Variants in SULT4A1 observed in about 807,000 individuals in gnomAD.
The protein encoded by SULT4A1 is sulfotransferase family 4A member 1.
SULT4A1 carries 11 observed loss-of-function variants against 35.2 expected under a neutral mutation model. The observed-to-expected ratio is 0.31, with a 90% CI of 0.20 to 0.52. The LOEUF is 0.52. Ranked by LOEUF, SULT4A1 falls within the 20% of genes least tolerant of loss-of-function variation. The pLI is 0.97. For synonymous variants in SULT4A1, 152 were observed against 151.8 expected (o/e 1.00, Z -0.01); for missense variants, 271 against 383.7 (o/e 0.71, Z 2.45).
intron 1 of SULT4A1, among the ~76,000 whole-genome samples, chr22:43,858,913 C>A (rs2049434255): frequency 6.6e-6 from 1 of 152,166 alleles, no homozygotes. Context: ...GTAATCCACC[C>A]AACCTGTCTC....
chr22:43,838,167 G>A (rs74458567), intron 4 of SULT4A1, among the ~76,000 whole-genome samples: 5,789 of 152,342 alleles, frequency 0.038, 221 homozygotes, highest in African/African-American at 0.094. Flanking sequence ...GTGGCCCAGC[G>A]GGGCAAGAGA....
intron 1 of SULT4A1, among the ~76,000 whole-genome samples, chr22:43,846,022 C>G (rs2063473932): frequency 6.6e-6 from 1 of 152,212 alleles, no homozygotes; most frequent in South Asian, 2.1e-4. Context: ...GTGGCTTTAA[C>G]ATGGAAGTCA....
chr22:43,836,159 A>G (rs73888226), intron 4 of SULT4A1, among the ~76,000 whole-genome samples: 4,734 of 98,498 alleles, frequency 0.048, 294 homozygotes, highest in African/African-American at 0.092. Flanking sequence ...CTCACACTGC[A>G]GGTGCCACAG....
In SULT4A1 at chr22:43,856,620, C is replaced by T. The variant is rs553828680; in HGVS notation, c.169+5594G>A. On this transcript the variant is annotated intron_variant, in intron 1 of 6. Coordinates refer to ENST00000330884, the MANE Select transcript of SULT4A1 (RefSeq NM_014351.4). The stretch of plus-strand genomic sequence containing the variant: ...GCAAGAGTGTGCAGACAAAACTCCT[C>T]CAAGGTTCAGACCTACGAGGAAGAC... Among the ~76,000 whole-genome samples, 3 of 152,286 alleles carry T rather than the reference C, an allele frequency of 2.0e-5. No homozygotes were observed. In the South Asian group the frequency reaches 6.2e-4, roughly 32 times the overall value.
chr22:43,841,889 G>A lies in SULT4A1; in HGVS notation c.213C>T (p.Gly71=), dbSNP rs779387006. 22 of 1,613,818 alleles carry A rather than the reference G, an allele frequency of 1.4e-5. No individual in the cohort carries two copies. The highest frequency in any genetic ancestry group is 2.7e-5 in the African/African-American group (2 of 74,940). Reference sequence around the variant, plus strand: ...TCAAGCCGATCTCATCGGGGTCAGCGCCCTGGCTCACCAAGTAGACCACCT... The same window carrying A: ...TCAAGCCGATCTCATCGGGGTCAGCACCCTGGCTCACCAAGTAGACCACCT... ...LQEVVYLVSQ[G]ADPDEIGLMN... is the part of the protein sequence containing the mutation. Residue 71 remains glycine, a synonymous_variant, in exon 2 of 7, where the codon GGC becomes GGT. Coordinates refer to ENST00000330884, the MANE Select transcript of SULT4A1 (RefSeq NM_014351.4).
chr22:43,832,726 C>T (rs1471204701), intron 5 of SULT4A1, among the ~76,000 whole-genome samples: 1 of 152,174 alleles, frequency 6.6e-6, no homozygotes, highest in Non-Finnish European at 1.5e-5. Context: ...TAGGGGACCT[C>T]GTGTGGCTCT....
In SULT4A1 at chr22:43,829,076, G is replaced by A; in HGVS notation, c.726C>T (p.Ala242=). The A allele has an allele frequency of 6.5e-6, 10 of 1,540,760 alleles. No homozygotes were observed. The highest frequency in any genetic ancestry group is 7.0e-6 in the Non-Finnish European group (8 of 1,140,420). Residue 242 remains alanine (A), a synonymous_variant, in exon 6 of 7, where the codon GCC becomes GCT. Coordinates refer to ENST00000330884, the MANE Select transcript of SULT4A1 (RefSeq NM_014351.4). ...GGCACGTACCCCGGCCCACGGGCAG[G>A]GCCTCAGCGTTGCAGCACTGGTCCA... The part of the protein sequence containing the change: ...QLVDQCCNAE[A]LPVGRGRVGL...
intron 6 of SULT4A1, among the ~76,000 whole-genome samples, chr22:43,828,072 G>C (rs2063300442): frequency 1.3e-5 from 2 of 152,214 alleles, no homozygotes; most frequent in Non-Finnish European, 2.9e-5. Context: ...CCTGACCTAT[G>C]TTGCGTTCCC....
chr22:43,841,094 G>A (rs1230824068), intron 2 of SULT4A1, among the ~76,000 whole-genome samples: 4 of 152,232 alleles, frequency 2.6e-5, no homozygotes, highest in East Asian at 3.9e-4. Context: ...CCCTCGGCAC[G>A]GCAGTACGGA....
chr22:43,827,774 C>CACACACAA (rs2063298725), intron 6 of SULT4A1: 2 of 469,284 alleles, frequency 4.3e-6, no homozygotes, highest in Non-Finnish European at 7.7e-6. Context: ...CACACACACA[C>CACACACAA]ACACACACGT....
In SULT4A1 at chr22:43,862,226, A is replaced by G; in HGVS notation, c.157T>C (p.Tyr53His). Residue 53 changes from tyrosine (Y) to histidine (H), a missense_variant, in exon 1 of 7, where the codon TAC becomes CAC. Tyr to His is a moderately conservative substitution (Grantham distance 83). Around this residue, in one of 3 missense-constraint regions of SULT4A1, gnomAD observed 164 missense variants for 254.1 expected, o/e 0.65. Coordinates refer to ENST00000330884, the MANE Select transcript of SULT4A1 (RefSeq NM_014351.4). ...GCGCGGGGCTCACCGGACTTGGGGT[A>G]GGTGACGATCCACACGTCGCTGGGC... is the stretch of plus-strand genomic sequence containing the variant. ...VRPSDVWIVT[Y>H]PKSGTSLLQE... is the part of the protein sequence containing the mutation. The G allele has an allele frequency of 6.4e-7, 1 of 1,557,256 alleles. No individual in the cohort carries two copies. The highest frequency in any genetic ancestry group is 8.7e-7 in the Non-Finnish European group (1 of 1,151,306).
intron 5 of SULT4A1, among the ~76,000 whole-genome samples, chr22:43,833,103 C>A (rs781390102): frequency 6.6e-5 from 10 of 152,112 alleles, no homozygotes; most frequent in Non-Finnish European, 1.0e-4. Context: ...GTGTCTCCTG[C>A]CTGTCCTGCC....
chr22:43,831,216 G>A lies in SULT4A1; in HGVS notation c.604-2018C>T, dbSNP rs867792828. Among the ~76,000 whole-genome samples the A allele has an allele frequency of 2.0e-4, 30 of 151,866 alleles. 1 individual carries two copies. The highest frequency in any genetic ancestry group is 3.4e-3 in the Middle Eastern group (1 of 294). Reference sequence around the variant, plus strand: ...TCCCTTTAAGGGCTTGGAGTAAAGTGTGTGTTTGGACCTTAAAACTTCAGT... The same window carrying A: ...TCCCTTTAAGGGCTTGGAGTAAAGTATGTGTTTGGACCTTAAAACTTCAGT... On this transcript the variant is annotated intron_variant, in intron 5 of 6. Transcript: ENST00000330884.
intron 1 of SULT4A1, among the ~76,000 whole-genome samples, chr22:43,846,852 G>A (rs541846062): frequency 6.6e-6 from 1 of 152,290 alleles, no homozygotes; most frequent in East Asian, 1.9e-4. Context: ...TCCCTGAAAT[G>A]GGCCTCTCCC....
Position 43,840,018 on chromosome 22 carries a change from G to A in SULT4A1, c.308C>T (p.Thr103Ile), listed in dbSNP as rs1350650615. 6.2e-7 allele frequency: 1 copy of A among 1,601,772 alleles called. No individual in the cohort carries two copies. The highest frequency in any genetic ancestry group is 1.1e-5 in the South Asian group (1 of 89,004). Reference sequence around the variant, plus strand: ...GTGGCTCTTGATGAGGCGGGGAGAGGTCAGTTCCTGCGTGGAGTCAGAGGG... The same window carrying A: ...GTGGCTCTTGATGAGGCGGGGAGAGATCAGTTCCTGCGTGGAGTCAGAGGG... ...QPGLDIIKELTSPRLIKSHLP... is the reference protein window; with the variant it reads ...QPGLDIIKELISPRLIKSHLP... The change falls in exon 3 of 7, where the codon ACC (threonine) becomes ATC (isoleucine). Residue 103 changes from threonine to isoleucine, a missense_variant. This residue lies in a region of SULT4A1 where 164 missense variants were observed against 254.1 expected (regional missense o/e 0.65). Transcript: ENST00000330884.
chr22:43,841,724 G>A lies in SULT4A1; in HGVS notation c.300+78C>T, dbSNP rs1214728707. The A allele has an allele frequency of 1.1e-5, 17 of 1,552,820 alleles. No homozygotes were observed. In the Admixed American group the frequency reaches 1.2e-4, roughly 11 times the overall value. Reference sequence around the variant, plus strand: ...CCCCTAATCCACAGAGCCCCCAGGAGCAACTGTCAATCATCAGGGTGTAAC... The same window carrying A: ...CCCCTAATCCACAGAGCCCCCAGGAACAACTGTCAATCATCAGGGTGTAAC... On this transcript the variant is annotated intron_variant, in intron 2 of 6. Coordinates refer to ENST00000330884, the MANE Select transcript of SULT4A1 (RefSeq NM_014351.4).
At chr22:43,857,948 G>A (rs1270568931) in intron 1 of SULT4A1, among the ~76,000 whole-genome samples, 2 of 151,146 alleles carry the variant, frequency 1.3e-5, no homozygotes, top group Non-Finnish European at 1.5e-5. Flanking sequence ...TACTTGGGAG[G>A]CTGAGGCAGG....
intron 1 of SULT4A1, among the ~76,000 whole-genome samples, chr22:43,851,632 C>T (rs148944961): frequency 6.4e-4 from 97 of 152,286 alleles, no homozygotes; most frequent in Non-Finnish European, 1.3e-3. Flanking sequence ...GAGACTGGAA[C>T]CAGGTCACAG....
rs118082850 is a variant in SULT4A1 at position 43,852,663 on chromosome 22, T to C, written c.169+9551A>G. ...GCCTGCTGCGGCCAGTCCTTGTCCC[T>C]GTGCTTCCGCACACTGTCTCTCAGC... On this transcript the variant is annotated intron_variant, in intron 1 of 6. Transcript: ENST00000330884. Among the ~76,000 whole-genome samples, 201 of 152,150 alleles carry C rather than the reference T, an allele frequency of 1.3e-3. 1 individual carries two copies. In the East Asian group the frequency reaches 0.029, roughly 22 times the overall value.
Sources: allele counts gnomAD v4.1 joint callset (sites outside exome capture counted in the v4.1 genomes callset), GRCh38; gene constraint gnomAD v4.1.1; regional missense constraint gnomAD v4.1.1; transcripts MANE v1.5; gene names NCBI Gene and HGNC (gene_info 2026-07-23, HGNC 2026-07-21).